RARB: variants seen among roughly 807,000 people sequenced by gnomAD.
RARB encodes HBV-activated protein.
Under a neutral mutation model 51.9 loss-of-function variants are expected in RARB, and 17 were observed. The observed-to-expected ratio is 0.33, with a 90% confidence interval of 0.22 to 0.49. RARB has a LOEUF of 0.49. Ranked by LOEUF, RARB falls within the 20% of genes least tolerant of loss-of-function variation. The probability of loss-of-function intolerance (pLI) is 0.99; values close to 1 mark genes in which losing one functional copy is unlikely to be tolerated. For synonymous variants in RARB, 215 were observed against 195.4 expected (o/e 1.10, Z -0.84); for missense variants, 369 against 550.8 (o/e 0.67, Z 3.30).
At chr3:24,896,423 C>G (rs576220087) in intron 2 of RARB, among the ~76,000 whole-genome samples, 1 of 152,150 alleles carries the variant, frequency 6.6e-6, no homozygotes, top group South Asian at 2.1e-4. Flanking sequence ...CCACGTCCGG[C>G]TAATTTTTTG....
intron 1 of RARB, among the ~76,000 whole-genome samples, chr3:25,437,303 G>A (rs1245146195): frequency 3.9e-5 from 6 of 152,102 alleles, no homozygotes; most frequent in Admixed American, 1.3e-4. Context: ...ACTTTTACAA[G>A]TGAGCATTGT....
intron 5 of RARB, among the ~76,000 whole-genome samples, chr3:25,243,152 C>G (rs774124523): frequency 6.6e-6 from 1 of 151,598 alleles, no homozygotes; most frequent in Non-Finnish European, 1.5e-5. Flanking sequence ...TTTTGCAGAT[C>G]GATTTTTTAT....
At chr3:25,252,792 C>A (rs1205899015) in intron 5 of RARB, among the ~76,000 whole-genome samples, 1 of 152,148 alleles carries the variant, frequency 6.6e-6, no homozygotes, top group African/African-American at 2.4e-5. Flanking sequence ...TTTAACTCTT[C>A]TCCAGGAGAA....
At chr3:25,007,605 C>CAAAAAAAAAAAAAAAAAAAAAA (rs1279154112) in intron 2 of RARB, among the ~76,000 whole-genome samples, 1 of 60,640 alleles carries the variant, frequency 1.6e-5, no homozygotes, top group Non-Finnish European at 3.3e-5. Flanking sequence ...AAAAAAAAAA[C>CAAAAAAAAAAAAAAAAAAAAAA]AAAAAAACCT....
intron 2 of RARB, among the ~76,000 whole-genome samples, chr3:25,047,670 T>C (rs1431485937): frequency 6.6e-6 from 1 of 152,226 alleles, no homozygotes; most frequent in African/African-American, 2.4e-5. Flanking sequence ...GTAGGTCTTT[T>C]GTTTTCCCTG....
chr3:24,894,295 A>G (rs533945513), intron 2 of RARB, among the ~76,000 whole-genome samples: 2 of 87,536 alleles, frequency 2.3e-5, no homozygotes, highest in Non-Finnish European at 2.1e-5. Context: ...TCTCTCTACC[A>G]TCTAGTGGCC....
At chr3:24,882,858 G>A (rs1423664179) in intron 2 of RARB, among the ~76,000 whole-genome samples, 12 of 152,162 alleles carry the variant, frequency 7.9e-5, no homozygotes, top group Non-Finnish European at 1.5e-4. Context: ...ATTGGTTGAT[G>A]AAGGCATATA....
intron 5 of RARB, among the ~76,000 whole-genome samples, chr3:25,207,725 A>G (rs899977288): frequency 6.6e-6 from 1 of 152,214 alleles, no homozygotes; most frequent in Admixed American, 6.5e-5. Context: ...GAGCAGTATT[A>G]AGGTGCTCAG....
intron 5 of RARB, among the ~76,000 whole-genome samples, chr3:25,213,021 G>A (rs552250070): frequency 1.9e-4 from 29 of 152,188 alleles, no homozygotes; most frequent in Non-Finnish European, 2.9e-4. Context: ...TTCCAAATTC[G>A]CGTAGTCTTA....
chr3:25,194,289 T>A (rs1053835076), intron 5 of RARB, among the ~76,000 whole-genome samples: 1 of 151,748 alleles, frequency 6.6e-6, no homozygotes, highest in Non-Finnish European at 1.5e-5. Flanking sequence ...TTGTGTAGCA[T>A]GAATAAGCCT....
At chr3:25,102,480 C>T (rs1302316778) in intron 3 of RARB, among the ~76,000 whole-genome samples, 2 of 151,830 alleles carry the variant, frequency 1.3e-5, no homozygotes, top group Non-Finnish European at 2.9e-5. Context: ...GCAGAGACTG[C>T]AGTGAGCCAA....
chr3:25,465,089 T>G (rs1474237419), intron 2 of RARB, among the ~76,000 whole-genome samples: 1 of 152,252 alleles, frequency 6.6e-6, no homozygotes, highest in Non-Finnish European at 1.5e-5. Context: ...GTGGAATTTT[T>G]AGATCACTGG....
intron 3 of RARB, among the ~76,000 whole-genome samples, chr3:25,070,458 G>A (rs189984452): frequency 2.0e-5 from 3 of 152,224 alleles, no homozygotes; most frequent in Admixed American, 2.0e-4. Flanking sequence ...AGTTCAATAA[G>A]CACTTAACTA....
At chr3:25,096,562 G>C (rs750110170) in intron 3 of RARB, among the ~76,000 whole-genome samples, 15 of 152,024 alleles carry the variant, frequency 9.9e-5, no homozygotes, top group Non-Finnish European at 1.2e-4. Flanking sequence ...TGACTTTTTT[G>C]ACTCTGACAT....
At chr3:24,931,477 TC>T (rs1695438734) in intron 2 of RARB, among the ~76,000 whole-genome samples, 1 of 152,044 alleles carries the variant, frequency 6.6e-6, no homozygotes, top group Non-Finnish European at 1.5e-5. Context: ...GCTCTTTACT[TC>T]CCTTTGCCCA....
chr3:25,022,909 C>G (rs1338893793), intron 2 of RARB, among the ~76,000 whole-genome samples: 1 of 152,116 alleles, frequency 6.6e-6, no homozygotes, highest in Non-Finnish European at 1.5e-5. Context: ...AGTGCAGAAC[C>G]TCAGAGAACT....
At chr3:25,398,251 G>T (rs765571614) in intron 5 of RARB, among the ~76,000 whole-genome samples, 1 of 151,990 alleles carries the variant, frequency 6.6e-6, no homozygotes, top group Non-Finnish European at 1.5e-5. Flanking sequence ...TCTAGGCCAC[G>T]GTTTCAAGGC....
chr3:25,182,974 A>G (rs170396), intron 5 of RARB, among the ~76,000 whole-genome samples: 146,365 of 152,136 alleles, frequency 0.96, 70,434 homozygotes, highest in African/African-American at 0.98. Context: ...TAGGAGAGAG[A>G]CATGGAGAAC....
At chr3:24,864,043 C>A (rs1389172226) in intron 2 of RARB, among the ~76,000 whole-genome samples, 1 of 152,182 alleles carries the variant, frequency 6.6e-6, no homozygotes, top group East Asian at 1.9e-4. Context: ...ATGTGATTTT[C>A]TGCCCTAAGC....
Sources: gnomAD v4.1 joint callset for allele counts (sites outside exome capture counted in the v4.1 genomes callset) on GRCh38, gnomAD v4.1.1 for gene constraint, MANE v1.5 for transcripts, NCBI Gene and HGNC (gene_info 2026-07-23, HGNC 2026-07-21) for gene names.